FBXW7: variants seen among roughly 807,000 people sequenced by gnomAD.
FBXW7 encodes F-box/WD repeat-containing protein 7.
A neutral mutation model predicts 86.3 loss-of-function variants in FBXW7; 11 were observed. The ratio of observed to expected loss-of-function variants is 0.13; its 90% CI spans 0.08 to 0.21. The LOEUF (loss-of-function observed/expected upper bound fraction) is 0.21, where lower values mean the gene tolerates loss of function less well. Among genes scored for constraint, FBXW7 ranks in the 10% least tolerant of loss-of-function variants. FBXW7 has a pLI of 1.00. For missense variants in FBXW7, 488 were observed against 847.4 expected, an observed-to-expected ratio of 0.58 and a Z score of 5.27; for synonymous variants, 313 against 297.9, an observed-to-expected ratio of 1.05 and a Z score of -0.52.
At chr4:152,472,237 C>T (rs1414484988) in intron 2 of FBXW7, among the ~76,000 whole-genome samples, 2 of 152,058 alleles carry the variant, frequency 1.3e-5, no homozygotes, top group Non-Finnish European at 2.9e-5. Context: ...GGAAACTGTT[C>T]GGAAGTGTCT....
rs543130527 is a variant in FBXW7 at position 152,468,539 on chromosome 4, C to T, written c.-119-56010G>A. On this transcript the variant is annotated intron_variant, in intron 2 of 13. Coordinates refer to ENST00000281708, the MANE Select transcript of FBXW7 (RefSeq NM_001349798.2). ...TTATGATTCTGTTTTTATAAAATGC[C>T]CAGAATAGGCAAACCTATACAAACA... 4.6e-5 allele frequency among the ~76,000 whole-genome samples: 7 copies of T among 152,070 alleles called. No individual in the cohort carries two copies. In the South Asian group the frequency reaches 1.2e-3, roughly 27 times the overall value.
chr4:152,343,210 T>C (rs1163469181), intron 6 of FBXW7, among the ~76,000 whole-genome samples: 1 of 152,184 alleles, frequency 6.6e-6, no homozygotes, highest in Non-Finnish European at 1.5e-5. Context: ...AATTCCAATA[T>C]GCTTTAATTA....
chr4:152,388,286 A>AAC (rs1735718676), intron 4 of FBXW7, among the ~76,000 whole-genome samples: 1 of 152,146 alleles, frequency 6.6e-6, no homozygotes, highest in African/African-American at 2.4e-5. Context: ...GGCGGCCCCT[A>AAC]ACTAAGAGAA....
At position 152,332,594 on chromosome 4, in the gene FBXW7, A is replaced by G; in HGVS notation, c.985+2T>C. ...TATTCTCTATGCAATTTTGAACCTT[A>G]CCCTCTTCTTTGCATTTCTCTCTCC... On this transcript the variant is annotated splice_donor_variant, in intron 8 of 13. Transcript: ENST00000281708. LOFTEE classifies it high-confidence loss of function. 6.3e-7 allele frequency: 1 copy of G among 1,577,502 alleles called. No individual in the cohort carries two copies. Among genetic ancestry groups the G allele is most frequent in the Non-Finnish European group, 8.6e-7 (1 of 1,156,524 alleles).
chr4:152,436,902 A>G (rs541789161), intron 2 of FBXW7, among the ~76,000 whole-genome samples: 165 of 152,326 alleles, frequency 1.1e-3, no homozygotes, highest in African/African-American at 3.8e-3. Flanking sequence ...TCATTGCTCA[A>G]TGACAACGAA....
chr4:152,530,100 C>CGTGTATATATAT (rs1436443333), intron 2 of FBXW7, among the ~76,000 whole-genome samples: 16 of 146,624 alleles, frequency 1.1e-4, no homozygotes, highest in African/African-American at 4.1e-4. Flanking sequence ...CACACACACA[C>CGTGTATATATAT]ACGTGTATAT....
chr4:152,435,344 G>A (rs1394881667), intron 2 of FBXW7, among the ~76,000 whole-genome samples: 3 of 151,920 alleles, frequency 2.0e-5, no homozygotes, highest in East Asian at 1.9e-4. Flanking sequence ...TTTGTATAAC[G>A]GCCCTTAATT....
intron 2 of FBXW7, among the ~76,000 whole-genome samples, chr4:152,523,217 TTATC>T (rs963518671): frequency 2.4e-4 from 37 of 152,162 alleles, no homozygotes; most frequent in African/African-American, 8.2e-4. Context: ...CTGGGTGGTA[TTATC>T]TTTTTTTCAA....
intron 4 of FBXW7, among the ~76,000 whole-genome samples, chr4:152,362,452 T>C (rs1287002440): frequency 3.9e-5 from 6 of 152,124 alleles, no homozygotes; most frequent in African/African-American, 1.2e-4. Context: ...CACACACATA[T>C]TCCTTTCTTC....
chr4:152,527,901 C>CAT (rs58496613), intron 2 of FBXW7, among the ~76,000 whole-genome samples: 5,727 of 149,148 alleles, frequency 0.038, 241 homozygotes, highest in African/African-American at 0.097. Flanking sequence ...CACACACACA[C>CAT]ATATATATAC....
chr4:152,344,532 AG>A (rs1731072391), intron 6 of FBXW7, among the ~76,000 whole-genome samples: 1 of 149,590 alleles, frequency 6.7e-6, no homozygotes, highest in Admixed American at 6.6e-5. Context: ...TATTGAATAC[AG>A]TTTTTTTTTT....
At chr4:152,357,616 T>G (rs1295633847) in intron 4 of FBXW7, among the ~76,000 whole-genome samples, 1 of 152,114 alleles carries the variant, frequency 6.6e-6, no homozygotes, top group African/African-American at 2.4e-5. Context: ...CCACCGTGCC[T>G]GGCCAGAAGT....
intron 4 of FBXW7, among the ~76,000 whole-genome samples, chr4:152,356,397 T>C (rs1318631713): frequency 7.7e-6 from 1 of 129,608 alleles, no homozygotes; most frequent in Non-Finnish European, 1.9e-5. Flanking sequence ...GAAAATACTA[T>C]GAATACTATT....
At chr4:152,377,384 T>C (rs1334311738) in intron 4 of FBXW7, among the ~76,000 whole-genome samples, 1 of 152,180 alleles carries the variant, frequency 6.6e-6, no homozygotes, top group Non-Finnish European at 1.5e-5. Context: ...TAGTTGGCTC[T>C]TTTAAAATGA....
chr4:152,496,610 G>A lies in FBXW7; in HGVS notation c.-120+38331C>T, dbSNP rs542206587. Among the ~76,000 whole-genome samples the A allele has an allele frequency of 5.3e-4, 80 of 151,502 alleles. 3 individuals are homozygous for A. The South Asian group carries it at 0.013, about 25-fold the overall frequency. On this transcript the variant is annotated intron_variant, in intron 2 of 13. Coordinates refer to ENST00000281708, the MANE Select transcript of FBXW7 (RefSeq NM_001349798.2). ...GCAAAATCACTCGAAACAGGGAGGC[G>A]GAGGTTGCAGTGAGCCGAGATCACA... is the stretch of plus-strand genomic sequence containing the variant.
chr4:152,325,861 A>G, intron 12 of FBXW7, 145 bp downstream of exon 12: 1 of 570,062 alleles, frequency 1.8e-6, no homozygotes, highest in Admixed American at 3.1e-5. Flanking sequence ...TCTTCATGCC[A>G]ATTTTAACGT....
chr4:152,409,300 A>C (rs889508164), intron 4 of FBXW7, among the ~76,000 whole-genome samples: 1 of 152,216 alleles, frequency 6.6e-6, no homozygotes, highest in Non-Finnish European at 1.5e-5. Flanking sequence ...AAGTCAAAGA[A>C]GACTTGAATG....
At chr4:152,382,316 G>A (rs749989288) in intron 4 of FBXW7, 6 of 1,575,916 alleles carry the variant, frequency 3.8e-6, no homozygotes, top group South Asian at 3.6e-5. Context: ...GTTTAGAGTA[G>A]GTTTTCCCGG....
chr4:152,405,624 G>A (rs773073853), intron 4 of FBXW7, among the ~76,000 whole-genome samples: 6 of 152,176 alleles, frequency 3.9e-5, no homozygotes, highest in East Asian at 1.9e-4. Context: ...AGGACGTGGC[G>A]TTATAGCCTG....
Sources: gnomAD v4.1 joint callset for allele counts (sites outside exome capture counted in the v4.1 genomes callset) on GRCh38, gnomAD v4.1.1 for gene constraint, MANE v1.5 for transcripts, NCBI Gene and HGNC (gene_info 2026-07-23, HGNC 2026-07-21) for gene names.